CHD7: variants seen among roughly 807,000 people sequenced by gnomAD.
The protein encoded by CHD7 is chromodomain helicase DNA binding protein 7.
A neutral mutation model predicts 307.3 loss-of-function variants in CHD7; 24 were observed. That is an observed-to-expected ratio of 0.08 (90% confidence interval 0.06 to 0.11). The LOEUF (loss-of-function observed/expected upper bound fraction) is 0.11, where lower values mean the gene tolerates loss of function less well. CHD7 is among the 10% of genes least tolerant of loss of function. CHD7 has a pLI of 1.00. For synonymous variants in CHD7, 1,363 were observed against 1,349.9 expected (o/e 1.01, Z -0.21); for missense variants, 3,106 against 3,727.1 (o/e 0.83, Z 4.34).
At position 60,865,064 on chromosome 8, in the gene CHD7, G is replaced by A; in HGVS notation, c.8125G>A (p.Val2709Met). The change falls in exon 38 of 38, where the codon GTG (valine) becomes ATG (methionine). Residue 2709 changes from valine (V) to methionine (M), a missense_variant. By Grantham distance (21) the Val-to-Met change is conservative. Coordinates refer to ENST00000423902, the MANE Select transcript of CHD7 (RefSeq NM_017780.4). This position sits in a 1 kb window ranked among gnomAD's most constrained non-coding sequence, Gnocchi z 4.3. ...TGACCGCCTTCTCACTGGGCCTGTA[G>A]TGCGGGGAGAGGGAGCGAGCAGAAG... ...MFDRLLTGPV[V>M]RGEGASRRGR... The A allele has an allele frequency of 6.2e-7, 1 of 1,609,644 alleles. No homozygotes were observed. The highest frequency in any genetic ancestry group is 8.5e-7 in the Non-Finnish European group (1 of 1,177,918).
intron 1 of CHD7, among the ~76,000 whole-genome samples, chr8:60,704,288 A>G (rs537223206): frequency 2.0e-5 from 3 of 152,312 alleles, no homozygotes; most frequent in Non-Finnish European, 4.4e-5. Context: ...CAGTTATACC[A>G]TGTGCCCAAG....
At position 60,781,278 on chromosome 8, in the gene CHD7, G is replaced by T. The variant is rs1306794432; in HGVS notation, c.1944G>T (p.Lys648Asn). 5 of 1,563,094 alleles carry T rather than the reference G, an allele frequency of 3.2e-6. No individual in the cohort carries two copies. The highest frequency in any genetic ancestry group is 4.3e-6 in the Non-Finnish European group (5 of 1,154,146). Residue 648 changes from lysine (K) to asparagine (N), a missense_variant, in exon 3 of 38, where the codon AAG (lysine) becomes AAT (asparagine). By Grantham distance (94) the Lys-to-Asn change is moderately conservative. Around this residue, in one of 10 missense-constraint regions of CHD7, gnomAD observed 998 missense variants for 1,004.5 expected, o/e 0.99. Coordinates refer to ENST00000423902, the MANE Select transcript of CHD7 (RefSeq NM_017780.4). ...AAAAAAAGAAAAAGAAAAGGTCAAA[G>T]GCAAAAAAAGACCCGAAGGAACCGA... ...QEEKKKKKRS[K>N]AKKDPKEPKE... is the part of the protein sequence containing the mutation.
intron 2 of CHD7, 76 bp downstream of exon 2, chr8:60,743,173 T>C (rs1809146286): frequency 1.5e-6 from 2 of 1,291,918 alleles, no homozygotes; most frequent in Non-Finnish European, 2.2e-6. Flanking sequence ...CGAATTTTTC[T>C]TTAAACTCTA....
intron 19 of CHD7, among the ~76,000 whole-genome samples, chr8:60,839,069 G>C (rs1684251101): frequency 6.6e-6 from 1 of 152,182 alleles, no homozygotes; most frequent in Non-Finnish European, 1.5e-5. Flanking sequence ...ATGCTCATTA[G>C]CAATCATTCC....
chr8:60,745,723 G>A (rs1809289113), intron 2 of CHD7, among the ~76,000 whole-genome samples: 1 of 152,110 alleles, frequency 6.6e-6, no homozygotes, highest in African/African-American at 2.4e-5. Context: ...GAAGTCTCAG[G>A]CACAGAACAT....
Position 60,832,010 on chromosome 8 carries a change from T to TTA in CHD7, c.3778+1444_3778+1445dup, listed in dbSNP as rs367694391. 3.5e-3 allele frequency among the ~76,000 whole-genome samples: 537 copies of TTA among 151,918 alleles called. 3 individuals are homozygous for TTA. Among genetic ancestry groups the TTA allele is most frequent in the African/African-American group, 0.012 (483 of 41,342 alleles). ...TGCGACGAATCAGTGAATTTCTTTT[T>TTA]TATATATATATACACAGTTTTTTTT... On this transcript the variant is annotated intron_variant, in intron 15 of 37. Coordinates refer to ENST00000423902, the MANE Select transcript of CHD7 (RefSeq NM_017780.4).
At chr8:60,767,158 G>A (rs748820977) in intron 2 of CHD7, among the ~76,000 whole-genome samples, 2 of 152,190 alleles carry the variant, frequency 1.3e-5, no homozygotes, top group Non-Finnish European at 2.9e-5. Context: ...CTTGGTGAGA[G>A]CAACTTTTGT....
At chr8:60,840,530 T>C (rs952401767) in intron 19 of CHD7, among the ~76,000 whole-genome samples, 3 of 152,190 alleles carry the variant, frequency 2.0e-5, no homozygotes, top group Admixed American at 6.6e-5. Context: ...TGGGATGATA[T>C]CTCACTATGT....
intron 1 of CHD7, among the ~76,000 whole-genome samples, chr8:60,721,919 T>G (rs1485913942): frequency 6.6e-6 from 1 of 152,232 alleles, no homozygotes; most frequent in Non-Finnish European, 1.5e-5. Flanking sequence ...GTCAGATGCA[T>G]GAATGAAACT....
chr8:60,854,642 C>A, intron 32 of CHD7, 119 bp downstream of exon 32: 3 of 827,810 alleles, frequency 3.6e-6, no homozygotes, highest in South Asian at 3.3e-5. Flanking sequence ...TATATGAAGA[C>A]TATAGATTTT....
intron 1 of CHD7, among the ~76,000 whole-genome samples, chr8:60,697,311 C>T (rs1328870367): frequency 6.6e-6 from 1 of 152,202 alleles, no homozygotes; most frequent in Admixed American, 6.5e-5. Flanking sequence ...GAAAAGCTTT[C>T]AGGCTATATT....
chr8:60,777,130 C>T (rs1454099840), intron 2 of CHD7, among the ~76,000 whole-genome samples: 1 of 152,210 alleles, frequency 6.6e-6, no homozygotes, highest in Non-Finnish European at 1.5e-5. Context: ...CTTTTGTTTT[C>T]ATAAGTACCA....
intron 4 of CHD7, among the ~76,000 whole-genome samples, chr8:60,796,298 A>G (rs1232968618): frequency 6.6e-6 from 1 of 152,190 alleles, no homozygotes; most frequent in African/African-American, 2.4e-5. Context: ...AGTAGATATC[A>G]TTTTTTAATT....
Position 60,852,044 on chromosome 8 carries a change from G to A in CHD7, c.5691G>A (p.Glu1897=). 2 of 1,613,456 alleles carry A rather than the reference G, an allele frequency of 1.2e-6. No homozygotes were observed. The highest frequency in any genetic ancestry group is 1.7e-6 in the Non-Finnish European group (2 of 1,179,652). The part of the protein sequence containing the change: ...ATGKHSESNA[E]LGQLYWPNTS... Reference sequence around the variant, plus strand: ...GCAAGCACAGTGAGAGTAATGCTGAGTTAGGCCAACTTTACTGGCCTAACA... The same window carrying A: ...GCAAGCACAGTGAGAGTAATGCTGAATTAGGCCAACTTTACTGGCCTAACA... The change falls in exon 29 of 38, where the codon GAG becomes GAA. Residue 1897 remains glutamate, a synonymous_variant. Coordinates refer to ENST00000423902, the MANE Select transcript of CHD7 (RefSeq NM_017780.4).
chr8:60,810,558 A>G (rs1370100432), intron 7 of CHD7, among the ~76,000 whole-genome samples: 1 of 151,966 alleles, frequency 6.6e-6, no homozygotes, highest in Non-Finnish European at 1.5e-5. Flanking sequence ...TTCCCCTTTA[A>G]TATTAGTAAT....
intron 8 of CHD7, 21 bp from the exon 9 acceptor site, chr8:60,819,986 T>G: frequency 6.6e-7 from 1 of 1,522,750 alleles, no homozygotes; most frequent in Non-Finnish European, 9.0e-7. Context: ...CCTTTAACTT[T>G]TTTTTTTCCC....
chr8:60,707,280 A>T (rs1282759347), intron 1 of CHD7, among the ~76,000 whole-genome samples: 3 of 152,202 alleles, frequency 2.0e-5, no homozygotes, highest in African/African-American at 7.2e-5. Flanking sequence ...ATTTATTGAT[A>T]GTGATTTCAA....
At chr8:60,716,108 C>T (rs1807584560) in intron 1 of CHD7, among the ~76,000 whole-genome samples, 1 of 152,256 alleles carries the variant, frequency 6.6e-6, no homozygotes, top group East Asian at 1.9e-4. Context: ...GCCTCTGGCT[C>T]TGCCTTTAAA....
chr8:60,853,404 A>G lies in CHD7; in HGVS notation c.6679A>G (p.Thr2227Ala). Reference protein sequence around the residue: ...ELKGVEVGADTGSKSISEKGS... With the variant: ...ELKGVEVGADAGSKSISEKGS... ...GAAAGGTGTTGAGGTCGGCGCAGAC[A>G]CTGGGTCCAAATCTATTTCAGAGAA... is the stretch of plus-strand genomic sequence containing the variant. The change falls in exon 31 of 38, where the codon ACT becomes GCT. Residue 2227 changes from threonine (T) to alanine (A), a missense_variant. Around this residue, in one of 10 missense-constraint regions of CHD7, gnomAD observed 1,030 missense variants for 1,165.4 expected, o/e 0.88. Transcript: ENST00000423902. 2 of 1,530,074 alleles carry G rather than the reference A, an allele frequency of 1.3e-6. No homozygotes were observed. The highest frequency in any genetic ancestry group is 1.8e-4 in the Middle Eastern group (1 of 5,642). 94.8% of individuals were successfully genotyped at this position (1,530,074 alleles called of 1,614,324 possible).
Sources: allele counts gnomAD v4.1 joint callset (sites outside exome capture counted in the v4.1 genomes callset), GRCh38; gene constraint gnomAD v4.1.1; regional missense constraint gnomAD v4.1.1; non-coding constraint Gnocchi (gnomAD v3.1); transcripts MANE v1.5; gene names NCBI Gene and HGNC (gene_info 2026-07-23, HGNC 2026-07-21).